PKP4: variants seen among roughly 807,000 people sequenced by gnomAD.
The protein encoded by PKP4 is plakophilin-4.
PKP4 carries 90 observed loss-of-function variants against 145.1 expected under a neutral mutation model. The ratio of observed to expected loss-of-function variants is 0.62; its 90% confidence interval spans 0.52 to 0.74. The LOEUF (loss-of-function observed/expected upper bound fraction) is 0.74, where lower values mean the gene tolerates loss of function less well. Ranked by LOEUF, PKP4 falls within the 30% of genes least tolerant of loss-of-function variation. The pLI, the probability that PKP4 is intolerant of heterozygous loss-of-function variation, is 0.00. For synonymous variants in PKP4, 563 were observed against 577.2 expected, an observed-to-expected ratio of 0.98 and a Z score of 0.35; for missense variants, 1,340 against 1,482.7, an observed-to-expected ratio of 0.90 and a Z score of 1.58.
chr2:158,517,515 C>G (rs2042027517), intron 1 of PKP4, among the ~76,000 whole-genome samples: 1 of 152,114 alleles, frequency 6.6e-6, no homozygotes. Context: ...GATGGGAGTT[C>G]AGGGTCTTAT....
chr2:158,680,532 A>G lies in PKP4; in HGVS notation c.3434A>G (p.Asp1145Gly). The G allele has an allele frequency of 1.2e-6, 2 of 1,614,092 alleles. No individual in the cohort carries two copies. Among genetic ancestry groups the G allele is most frequent in the Non-Finnish European group, 1.7e-6 (2 of 1,179,982 alleles). The change falls in exon 22 of 22, where the codon GAT (aspartate) becomes GGT (glycine). Residue 1145 changes from aspartate (D) to glycine (G), a missense_variant. Physicochemically the swap from Asp to Gly is moderately conservative, Grantham distance 94. Transcript: ENST00000389759. ...SPHSYEDPYF[D>G]DRVHFPASTD... is the part of the protein sequence containing the mutation. ...CATAGCTATGAAGATCCTTATTTTG[A>G]TGACCGAGTTCACTTTCCAGCTTCT...
At chr2:158,475,650 A>G (rs1201964171) in intron 1 of PKP4, among the ~76,000 whole-genome samples, 1 of 152,228 alleles carries the variant, frequency 6.6e-6, no homozygotes, top group East Asian at 1.9e-4. Context: ...ACCCTCAGTC[A>G]GTAGCTCAGC....
At position 158,519,216 on chromosome 2, in the gene PKP4, AT is replaced by A. The variant is rs1161276958; in HGVS notation, c.-5-13962del. Among the ~76,000 whole-genome samples the A allele has an allele frequency of 2.6e-5, 4 of 151,882 alleles. No homozygotes were observed. In the East Asian group the frequency reaches 7.7e-4, roughly 29 times the overall value. ...CTTATGAAATACTCTGTTTTTAAAA[AT>A]TCATTTTGCTATTCATCTCACGATT... On this transcript the variant is annotated intron_variant, in intron 1 of 21. Coordinates refer to ENST00000389759, the MANE Select transcript of PKP4 (RefSeq NM_003628.6).
Position 158,621,140 on chromosome 2 carries a change from T to A in PKP4, c.412+19T>A. The stretch of plus-strand genomic sequence containing the variant: ...AGTGAGGGTCTGTTGTGTTATCTTT[T>A]AAGTACTGGATTTGCTTTTAAGATT... On this transcript the variant is annotated intron_variant, in intron 5 of 21. Transcript: ENST00000389759. 1 of 1,614,066 alleles carries A rather than the reference T, an allele frequency of 6.2e-7. No homozygotes were observed. Among genetic ancestry groups the A allele is most frequent in the South Asian group, 1.1e-5 (1 of 91,076 alleles).
intron 3 of PKP4, among the ~76,000 whole-genome samples, 164 bp downstream of exon 3, chr2:158,577,547 A>G (rs1167245819): frequency 6.6e-6 from 1 of 152,318 alleles, no homozygotes; most frequent in Non-Finnish European, 1.5e-5. Flanking sequence ...AGCCTCTTGC[A>G]ATCCCTCAGT....
Position 158,476,030 on chromosome 2 carries a change from G to A in PKP4, c.-6+18812G>A, listed in dbSNP as rs141605676. ...TCTCTCCCTTCCTCTCATAGAATTCGTTTTCATTGCAATAAAGACAAAGAA... is the reference window on the plus strand; with the variant it reads ...TCTCTCCCTTCCTCTCATAGAATTCATTTTCATTGCAATAAAGACAAAGAA... On this transcript the variant is annotated intron_variant, in intron 1 of 21. Coordinates refer to ENST00000389759, the MANE Select transcript of PKP4 (RefSeq NM_003628.6). Among the ~76,000 whole-genome samples, 1,018 of 152,152 alleles carry A rather than the reference G, an allele frequency of 6.7e-3. 6 individuals carry two copies. Among genetic ancestry groups the A allele is most frequent in the Middle Eastern group, 0.017 (5 of 294 alleles).
intron 1 of PKP4, among the ~76,000 whole-genome samples, chr2:158,473,323 A>G (rs571684696): frequency 6.6e-6 from 1 of 152,212 alleles, no homozygotes; most frequent in African/African-American, 2.4e-5. Context: ...TACCCAGAGG[A>G]ATATAAATCA....
At chr2:158,505,832 G>C (rs1435750381) in intron 1 of PKP4, among the ~76,000 whole-genome samples, 1 of 152,042 alleles carries the variant, frequency 6.6e-6, no homozygotes, top group Non-Finnish European at 1.5e-5. Context: ...ATAGAGTGCT[G>C]CTGTCCCTGG....
intron 1 of PKP4, among the ~76,000 whole-genome samples, chr2:158,498,584 G>A (rs1379361966): frequency 1.3e-5 from 2 of 152,118 alleles, no homozygotes; most frequent in Non-Finnish European, 2.9e-5. Flanking sequence ...GTGATGACTG[G>A]GAATCTCATG....
chr2:158,680,892 A>G lies in PKP4; in HGVS notation c.*215A>G. 2.0e-6 allele frequency: 1 copy of G among 497,834 alleles called. No homozygotes were observed. The highest frequency in any genetic ancestry group is 3.5e-6 in the Non-Finnish European group (1 of 284,984). 30.8% of individuals were successfully genotyped at this position (497,834 alleles called of 1,614,324 possible). ...CTCTATTTAGGTGTTAGATCTAATT[A>G]CTTATAGATTCTGTAGTCTGGTGAA... On this transcript the variant is annotated 3_prime_UTR_variant, in exon 22 of 22. Coordinates refer to ENST00000389759, the MANE Select transcript of PKP4 (RefSeq NM_003628.6).
chr2:158,533,060 G>C, intron 1 of PKP4, 120 bp from the exon 2 acceptor site: 2 of 1,015,090 alleles, frequency 2.0e-6, no homozygotes, highest in Non-Finnish European at 1.4e-6. Flanking sequence ...AATTTCACAA[G>C]TTTTTGATCA....
chr2:158,626,713 T>TGAA, intron 7 of PKP4, among the ~76,000 whole-genome samples: 1 of 152,338 alleles, frequency 6.6e-6, no homozygotes, highest in Non-Finnish European at 1.5e-5. Flanking sequence ...ATCTGATAGG[T>TGAA]AAAAAGCTGT....
intron 13 of PKP4, 139 bp from the exon 14 acceptor site, chr2:158,662,758 C>A: frequency 1.6e-6 from 1 of 623,928 alleles, no homozygotes; most frequent in Non-Finnish European, 2.7e-6. Context: ...ATTCTCTCTT[C>A]AGATTGTTTC....
intron 3 of PKP4, among the ~76,000 whole-genome samples, chr2:158,589,700 A>G (rs1485161653): frequency 1.3e-5 from 2 of 152,132 alleles, no homozygotes; most frequent in African/African-American, 4.8e-5. Context: ...ATTTTTTGTA[A>G]TTCCTTCATC....
chr2:158,478,722 T>C (rs1338129008), intron 1 of PKP4, among the ~76,000 whole-genome samples: 3 of 152,254 alleles, frequency 2.0e-5, no homozygotes, highest in Non-Finnish European at 4.4e-5. Context: ...ACACTAATGA[T>C]AATTAAACTT....
At chr2:158,542,964 G>A (rs1280366069) in intron 2 of PKP4, among the ~76,000 whole-genome samples, 1 of 152,154 alleles carries the variant, frequency 6.6e-6, no homozygotes, top group East Asian at 1.9e-4. Context: ...ATCAGACATT[G>A]TACTTAATTC....
chr2:158,661,273 C>G, intron 12 of PKP4, 60 bp from the exon 13 acceptor site: 1 of 1,230,232 alleles, frequency 8.1e-7, no homozygotes, highest in African/African-American at 1.5e-5. Flanking sequence ...AAGGTTAAGT[C>G]CACGTGGCTG....
At chr2:158,560,751 G>A (rs759961459) in intron 2 of PKP4, among the ~76,000 whole-genome samples, 2 of 152,140 alleles carry the variant, frequency 1.3e-5, no homozygotes, top group Non-Finnish European at 2.9e-5. Context: ...TTTTGTTCAT[G>A]TACTTCACAC....
chr2:158,536,523 CA>C (rs1430204566), intron 2 of PKP4, among the ~76,000 whole-genome samples: 1 of 152,120 alleles, frequency 6.6e-6, no homozygotes, highest in Non-Finnish European at 1.5e-5. Flanking sequence ...AAGGAAATGG[CA>C]AGCAACCAAT....
Sources: allele counts gnomAD v4.1 joint callset (sites outside exome capture counted in the v4.1 genomes callset), GRCh38; gene constraint gnomAD v4.1.1; transcripts MANE v1.5; gene names NCBI Gene and HGNC (gene_info 2026-07-23, HGNC 2026-07-21).